EMP2: variants seen among roughly 807,000 people sequenced by gnomAD.
EMP2 encodes epithelial membrane protein 2.
A neutral mutation model predicts 13.7 loss-of-function variants in EMP2; 19 were observed. The observed-to-expected ratio is 1.38, with a 90% CI of 0.97 to 2.03. The LOEUF (loss-of-function observed/expected upper bound fraction) is 2.03, where lower values mean the gene tolerates loss of function less well. EMP2 is among the 30% of genes most tolerant of loss of function. The pLI, the probability that EMP2 is intolerant of heterozygous loss-of-function variation, is 0.00. For missense variants in EMP2, 253 were observed against 220.7 expected (o/e 1.15, Z -0.93); for synonymous variants, 97 against 84.7 (o/e 1.15, Z -0.80).
intron 1 of EMP2, among the ~76,000 whole-genome samples, chr16:10,572,009 G>A (rs550317697): frequency 2.0e-5 from 3 of 152,254 alleles, no homozygotes; most frequent in East Asian, 3.9e-4. Context: ...ATAAGAGAGA[G>A]GACTCAAGGC....
Position 10,533,053 on chromosome 16 carries a change from C to T in EMP2, c.356G>A (p.Arg119Lys), listed in dbSNP as rs1389475863. The T allele has an allele frequency of 6.2e-7, 1 of 1,608,420 alleles. No homozygotes were observed. The highest frequency in any genetic ancestry group is 8.5e-7 in the Non-Finnish European group (1 of 1,177,416). ...VMIAASIYTD[R>K]REDIHDKNAK... ...GTTTTTGTCGTGAATGTCTTCACGC[C>T]TGTCTGTATAAATGGAGGCCGCAAT... The change falls in exon 5 of 5, where the codon AGG becomes AAG. Residue 119 changes from arginine (R) to lysine (K), a missense_variant. Physicochemically the swap from Arg to Lys is conservative, Grantham distance 26. Transcript: ENST00000359543.
chr16:10,553,497 T>C (rs1056841729), intron 1 of EMP2, among the ~76,000 whole-genome samples: 2 of 152,160 alleles, frequency 1.3e-5, no homozygotes, highest in African/African-American at 4.8e-5. Context: ...CGGCACCTTC[T>C]CCTGGGCATG....
rs371837070 is a variant in EMP2, at chr16:10,574,233, C to T, written c.-61+6316G>A. Among the ~76,000 whole-genome samples the T allele has an allele frequency of 3.9e-5, 6 of 152,208 alleles. No homozygotes were observed. In the East Asian group the frequency reaches 5.8e-4, roughly 15 times the overall value. On this transcript the variant is annotated intron_variant, in intron 1 of 4. Coordinates refer to ENST00000359543, the MANE Select transcript of EMP2 (RefSeq NM_001424.6). The stretch of plus-strand genomic sequence containing the variant: ...GATTAGAGGCGTGAGCTACTGCGCC[C>T]GGCCCCTTGTTCTTTTTAACTGCAG...
chr16:10,564,355 G>T (rs1390477267), intron 1 of EMP2, among the ~76,000 whole-genome samples: 1 of 152,004 alleles, frequency 6.6e-6, no homozygotes, highest in East Asian at 1.9e-4. Flanking sequence ...GCTGGGTGTG[G>T]TGGCAGGCAC....
chr16:10,568,500 C>T (rs570508210), intron 1 of EMP2, among the ~76,000 whole-genome samples: 117 of 152,178 alleles, frequency 7.7e-4, no homozygotes, highest in Middle Eastern at 6.3e-3. Flanking sequence ...TTTCCCAACA[C>T]CAAGACCCTG....
intron 1 of EMP2, among the ~76,000 whole-genome samples, chr16:10,576,150 T>A (rs2050982852): frequency 6.6e-6 from 1 of 151,984 alleles, no homozygotes; most frequent in East Asian, 1.9e-4. Context: ...AAACCATGGG[T>A]TTGTGTGCTA....
intron 1 of EMP2, among the ~76,000 whole-genome samples, chr16:10,548,192 T>C (rs1288267128): frequency 6.6e-6 from 1 of 151,934 alleles, no homozygotes; most frequent in Non-Finnish European, 1.5e-5. Flanking sequence ...AGGAGGAGGG[T>C]GAGGACCCAT....
At chr16:10,568,189 G>T (rs2050922047) in intron 1 of EMP2, among the ~76,000 whole-genome samples, 1 of 152,132 alleles carries the variant, frequency 6.6e-6, no homozygotes, top group African/African-American at 2.4e-5. Flanking sequence ...AGAACCTCTG[G>T]GGACAGCCCC....
intron 3 of EMP2, among the ~76,000 whole-genome samples, chr16:10,542,735 G>C (rs1031149229): frequency 6.6e-6 from 1 of 152,188 alleles, no homozygotes; most frequent in African/African-American, 2.4e-5. Context: ...CATTGAAGAG[G>C]TGGGCACAGC....
chr16:10,539,004 C>T (rs1156318340), intron 3 of EMP2, among the ~76,000 whole-genome samples: 4 of 151,780 alleles, frequency 2.6e-5, no homozygotes, highest in African/African-American at 9.7e-5. Flanking sequence ...GATGGAGTCT[C>T]GCTATGTTGC....
intron 1 of EMP2, among the ~76,000 whole-genome samples, chr16:10,570,642 C>A (rs892085722): frequency 7.9e-5 from 12 of 152,124 alleles, no homozygotes; most frequent in African/African-American, 2.9e-4. Context: ...AAGTGATCCA[C>A]CCACCTCGGC....
chr16:10,539,624 G>C (rs8063829), intron 3 of EMP2, among the ~76,000 whole-genome samples: 111,084 of 152,002 alleles, frequency 0.73, 40,647 homozygotes, highest in East Asian at 0.76. Flanking sequence ...CTTTTGGATG[G>C]TGGTTACGTG....
chr16:10,565,322 T>C (rs1180986123), intron 1 of EMP2, among the ~76,000 whole-genome samples: 3 of 152,228 alleles, frequency 2.0e-5, no homozygotes, highest in Non-Finnish European at 4.4e-5. Context: ...ATCAGTGGAC[T>C]CTGAGTCAAG....
At chr16:10,558,802 G>C (rs1417805363) in intron 1 of EMP2, among the ~76,000 whole-genome samples, 1 of 152,068 alleles carries the variant, frequency 6.6e-6, no homozygotes, top group African/African-American at 2.4e-5. Context: ...AAGAGTCAGA[G>C]AGCCCAGCTG....
In EMP2 at chr16:10,538,012, C is replaced by A. The variant is rs562241873; in HGVS notation, c.232G>T (p.Ala78Ser). 1.2e-6 allele frequency: 2 copies of A among 1,614,100 alleles called. No individual in the cohort carries two copies. Among genetic ancestry groups the A allele is most frequent in the South Asian group, 2.2e-5 (2 of 91,078 alleles). ...AGCTGGAGCACGAAGATGAAGAAGG[C>A]GATGCAGCAGAGAATGGTGGAGAGG... ...MILSTILCCI[A>S]FFIFVLQLFR... Residue 78 changes from alanine (A) to serine (S), a missense_variant, in exon 4 of 5, where the codon GCC becomes TCC. By Grantham distance (99) the Ala-to-Ser change is moderately conservative (BLOSUM62 1). Transcript: ENST00000359543.
At chr16:10,533,328 G>A (rs905991838) in intron 4 of EMP2, among the ~76,000 whole-genome samples, 9 of 152,124 alleles carry the variant, frequency 5.9e-5, no homozygotes, top group Non-Finnish European at 1.2e-4. Context: ...GTGAGCCACC[G>A]CGTGCAGCCT....
intron 4 of EMP2, among the ~76,000 whole-genome samples, chr16:10,535,796 C>T (rs183869065): frequency 2.6e-5 from 4 of 152,160 alleles, no homozygotes; most frequent in Admixed American, 1.3e-4. Flanking sequence ...CTGGCAGATA[C>T]AGAGACAGTA....
Position 10,537,808 on chromosome 16 carries a change from G to T in EMP2, c.316+120C>A, listed in dbSNP as rs552221996. On this transcript the variant is annotated intron_variant, in intron 4 of 4. Coordinates refer to ENST00000359543, the MANE Select transcript of EMP2 (RefSeq NM_001424.6). ...CAAACACACACCGGCACACAGCACC[G>T]CGCGGCTGCCAATTTCTCCTTTCCA... is the stretch of plus-strand genomic sequence containing the variant. 4 of 1,320,458 alleles carry T rather than the reference G, an allele frequency of 3.0e-6. No individual in the cohort carries two copies. In the East Asian group the frequency reaches 9.4e-5, roughly 31 times the overall value. 81.8% of individuals were successfully genotyped at this position (1,320,458 alleles called of 1,614,324 possible).
intron 1 of EMP2, among the ~76,000 whole-genome samples, chr16:10,557,339 A>G (rs2050837747): frequency 6.7e-6 from 1 of 148,648 alleles, no homozygotes; most frequent in South Asian, 2.2e-4. Flanking sequence ...CCTGGGTGAC[A>G]GAGTGAGACT....
Sources: gnomAD v4.1 joint callset for allele counts (sites outside exome capture counted in the v4.1 genomes callset) on GRCh38, gnomAD v4.1.1 for gene constraint, MANE v1.5 for transcripts, NCBI Gene and HGNC (gene_info 2026-07-23, HGNC 2026-07-21) for gene names.